SH3TC1: variants seen among roughly 807,000 people sequenced by gnomAD.
The protein encoded by SH3TC1 is SH3 domain and tetratricopeptide repeats 1.
In SH3TC1, 135 loss-of-function variants were observed where a neutral mutation model predicts 117.3. That is an observed-to-expected ratio of 1.15 (90% CI 1.00 to 1.33). SH3TC1 has a LOEUF of 1.33. SH3TC1 is among the 40% of genes most tolerant of loss of function. SH3TC1 has a pLI of 0.00. For synonymous variants in SH3TC1, 898 were observed against 816.9 expected (o/e 1.10, Z -1.69); for missense variants, 2,092 against 1,794.3 (o/e 1.17, Z -3.00).
chr4:8,225,197 C>A lies in SH3TC1; in HGVS notation c.1266C>A (p.Thr422=). The change falls in exon 11 of 18, where the codon ACC becomes ACA. Residue 422 remains threonine (T), a synonymous_variant. Transcript: ENST00000245105. The surrounding 1 kb of genome is among the most constrained non-coding windows in gnomAD (Gnocchi z 5.5). ...CAGACTCAGTAGAGGAAGCTGAGAC[C>A]GAGCAGCCGCAGGAAAAAGGTGGGT... ...YSLDSVEEAE[T]EQPQEKEIPP... 1 of 1,613,772 alleles carries A rather than the reference C, an allele frequency of 6.2e-7. No individual in the cohort carries two copies. Among genetic ancestry groups the A allele is most frequent in the Non-Finnish European group, 8.5e-7 (1 of 1,179,960 alleles).
chr4:8,222,408 C>G (rs559231553), intron 9 of SH3TC1, among the ~76,000 whole-genome samples: 5 of 109,062 alleles, frequency 4.6e-5, no homozygotes, highest in African/African-American at 1.8e-4. Context: ...AAGTCTTGCT[C>G]TGTCACCCAG....
intron 5 of SH3TC1, chr4:8,215,167 A>G (rs1011181801): frequency 8.8e-6 from 4 of 456,110 alleles, no homozygotes; most frequent in African/African-American, 8.0e-5. Context: ...ATTTCACTCA[A>G]CCAGAACTTG....
chr4:8,235,255 C>T (rs559547745), intron 14 of SH3TC1, among the ~76,000 whole-genome samples, 178 bp from the exon 15 acceptor site: 4 of 152,234 alleles, frequency 2.6e-5, no homozygotes, highest in Non-Finnish European at 5.9e-5. Flanking sequence ...CACTCGGGTG[C>T]ATGAGATCAT....
chr4:8,190,349 G>A lies in SH3TC1; in HGVS notation c.-57+8139G>A, dbSNP rs1717379119. Among the ~76,000 whole-genome samples the A allele has an allele frequency of 6.6e-6, 1 of 152,192 alleles. No individual in the cohort carries two copies. On this transcript the variant is annotated intron_variant, in intron 1 of 16. Coordinates refer to the SH3TC1 transcript ENST00000508641. The surrounding 1 kb of genome is among the most constrained non-coding windows in gnomAD (Gnocchi z 4.7). ...TAATGACTGTGTAAGCCAAGGTCAG[G>A]ATCAACCCCCATCACTGGGCTCTGC...
chr4:8,219,655 T>C, intron 9 of SH3TC1, 125 bp downstream of exon 9: 1 of 1,090,810 alleles, frequency 9.2e-7, no homozygotes, highest in Non-Finnish European at 1.2e-6. Flanking sequence ...GCCTAGTCTC[T>C]TCCCTTGTCC....
At position 8,232,880 on chromosome 4, in the gene SH3TC1, G is replaced by A. The variant is rs141386274; in HGVS notation, c.3132-483G>A. ...TCAAAGTGTGGTCCCTGGACCAGCA[G>A]AGCAGCATCCATGTCACCTAGGAGC... On this transcript the variant is annotated intron_variant, in intron 13 of 17. Transcript: ENST00000245105. 756 of 1,224,402 alleles carry A rather than the reference G, an allele frequency of 6.2e-4. 3 individuals carry two copies. Among genetic ancestry groups the A allele is most frequent in the African/African-American group, 5.3e-3 (339 of 63,702 alleles). The allele number at this position is 1,224,402 out of a possible 1,614,324, so 75.8% of individuals were successfully genotyped here. A position where few individuals can be genotyped will look rare whatever the true frequency, so the allele number is the denominator to read the frequency against.
At position 8,232,011 on chromosome 4, in the gene SH3TC1, T is replaced by C. The variant is rs770636660; in HGVS notation, c.2986T>C (p.Tyr996His). Residue 996 changes from tyrosine (Y) to histidine (H), a missense_variant, in exon 13 of 18, where the codon TAC becomes CAC. By Grantham distance (83) the Tyr-to-His change is moderately conservative. Coordinates refer to ENST00000245105, the MANE Select transcript of SH3TC1 (RefSeq NM_018986.5). ...GGCCGTCCAGCGGCTGTGCCACTTC[T>C]ACAGCGCCGTCATGCCCAGCGAGGC... is the stretch of plus-strand genomic sequence containing the variant. Reference protein sequence around the residue: ...LRAVQRLCHFYSAVMPSEAQC... With the variant: ...LRAVQRLCHFHSAVMPSEAQC... 1.9e-6 allele frequency: 3 copies of C among 1,612,670 alleles called. No homozygotes were observed. The East Asian group carries it at 6.7e-5, about 36-fold the overall frequency.
chr4:8,223,631 C>CTTT (rs761152183), intron 10 of SH3TC1, among the ~76,000 whole-genome samples: 2 of 136,518 alleles, frequency 1.5e-5, no homozygotes, highest in Non-Finnish European at 3.2e-5. Flanking sequence ...TACACACCCA[C>CTTT]TTTTTTTTTT....
chr4:8,228,653 C>T lies in SH3TC1; in HGVS notation c.2950+9C>T, dbSNP rs752793187. ...GATGGGCCACGTGGAGAGTGAGTGC[C>T]CCAGTTCCTTCTGTGTGCCTTCCGG... On this transcript the variant is annotated intron_variant, in intron 12 of 17. Transcript: ENST00000245105. 9 of 1,467,668 alleles carry T rather than the reference C, an allele frequency of 6.1e-6. No individual in the cohort carries two copies. The South Asian group carries it at 7.1e-5, about 12-fold the overall frequency. The allele number at this position is 1,467,668 out of a possible 1,614,324, so 90.9% of individuals were successfully genotyped here. A position where few individuals can be genotyped will look rare whatever the true frequency, so the allele number is the denominator to read the frequency against.
At position 8,205,150 on chromosome 4, in the gene SH3TC1, A is replaced by T. The variant is rs1718092543; in HGVS notation, c.-28-17A>T. The stretch of plus-strand genomic sequence containing the variant: ...TGGAGGGGCCACCTCTCCTGACCAC[A>T]CCCCCTCTGTCCACAGGGCCAGGCA... On this transcript the variant is annotated splice_polypyrimidine_tract_variant and intron_variant, in intron 1 of 17. Coordinates refer to ENST00000245105, the MANE Select transcript of SH3TC1 (RefSeq NM_018986.5). The surrounding 1 kb of genome is among the most constrained non-coding windows in gnomAD (Gnocchi z 5.4). 1 of 1,458,122 alleles carries T rather than the reference A, an allele frequency of 6.9e-7. No homozygotes were observed. The highest frequency in any genetic ancestry group is 2.7e-5 in the Admixed American group (1 of 36,416). The allele number at this position is 1,458,122 out of a possible 1,614,324, so 90.3% of individuals were successfully genotyped here.
rs901148931 is a variant in SH3TC1, at chr4:8,205,808, C to T, written c.172+442C>T. 2.0e-5 allele frequency: 12 copies of T among 602,198 alleles called. No homozygotes were observed. The highest frequency in any genetic ancestry group is 5.8e-5 in the Admixed American group (2 of 34,738). 37.3% of individuals were successfully genotyped at this position (602,198 alleles called of 1,614,324 possible). On this transcript the variant is annotated intron_variant, in intron 2 of 17. Transcript: ENST00000245105. The surrounding 1 kb of genome is among the most constrained non-coding windows in gnomAD (Gnocchi z 5.4). ...CCTGTGGTCAGGGGCCGGGCCAGGACGTGTGCCCAGTTTCCTGAATTCCCG... is the reference window on the plus strand; with the variant it reads ...CCTGTGGTCAGGGGCCGGGCCAGGATGTGTGCCCAGTTTCCTGAATTCCCG...
intron 5 of SH3TC1, 131 bp downstream of exon 5, chr4:8,214,711 T>C (rs1719074705): frequency 2.7e-6 from 2 of 752,862 alleles, no homozygotes; most frequent in African/African-American, 3.5e-5. Flanking sequence ...TAAGACGAAG[T>C]CTTGCTCTGT....
At chr4:8,234,975 A>G (rs1721676323) in intron 14 of SH3TC1, among the ~76,000 whole-genome samples, 2 of 152,220 alleles carry the variant, frequency 1.3e-5, no homozygotes, top group African/African-American at 2.4e-5. Flanking sequence ...TTTGTTTTTG[A>G]GCACCTGCTG....
chr4:8,238,831 G>A (rs775214136), intron 17 of SH3TC1, among the ~76,000 whole-genome samples: 43 of 152,332 alleles, frequency 2.8e-4, no homozygotes, highest in Non-Finnish European at 2.9e-4. Context: ...AAAGGACGAA[G>A]TAGTCCCTGA....
At chr4:8,218,139 C>CGT in intron 7 of SH3TC1, 132 bp from the exon 8 acceptor site, 1 of 590,748 alleles carries the variant, frequency 1.7e-6, no homozygotes, top group South Asian at 2.1e-5. Context: ...TGTGTGTGCA[C>CGT]GTGTGTGTGT....
intron 5 of SH3TC1, chr4:8,215,185 C>A (rs780044037): frequency 2.2e-6 from 1 of 456,320 alleles, no homozygotes. Context: ...TTGAGGGAAG[C>A]TGCCGTCCAG....
intron 14 of SH3TC1, among the ~76,000 whole-genome samples, chr4:8,235,087 G>C (rs1560115783): frequency 6.6e-6 from 1 of 152,242 alleles, no homozygotes; most frequent in Non-Finnish European, 1.5e-5. Flanking sequence ...CTGTGGCAGG[G>C]ATGTGGCAAC....
intron 8 of SH3TC1, among the ~76,000 whole-genome samples, chr4:8,218,701 C>A (rs1459789822): frequency 1.3e-5 from 2 of 152,358 alleles, no homozygotes; most frequent in East Asian, 1.9e-4. Flanking sequence ...CAGAGTCTAG[C>A]CTTCTGTCAC....
In SH3TC1 at chr4:8,227,375, A is replaced by T; in HGVS notation, c.1681A>T (p.Arg561Trp). Residue 561 changes from arginine (R) to tryptophan (W), a missense_variant, in exon 12 of 18, where the codon AGG (arginine) becomes TGG (tryptophan). Coordinates refer to ENST00000245105, the MANE Select transcript of SH3TC1 (RefSeq NM_018986.5). ...KKAGLLMALA[R>W]LCFLLGRLCS... is the part of the protein sequence containing the mutation. ...AGCTGGCCTCCTCATGGCCCTGGCC[A>T]GGCTCTGCTTCCTCCTGGGGCGGCT... 1.3e-6 allele frequency: 2 copies of T among 1,565,820 alleles called. No individual in the cohort carries two copies. The highest frequency in any genetic ancestry group is 1.7e-6 in the Non-Finnish European group (2 of 1,155,938).
Sources: gnomAD v4.1 joint callset for allele counts (sites outside exome capture counted in the v4.1 genomes callset) on GRCh38, gnomAD v4.1.1 for gene constraint, Gnocchi (gnomAD v3.1) non-coding constraint, MANE v1.5 for transcripts, NCBI Gene and HGNC (gene_info 2026-07-23, HGNC 2026-07-21) for gene names.